The following ST6GALNAC3 variants were observed in gnomAD, a reference collection of about 807,000 sequenced individuals.
The protein encoded by ST6GALNAC3 is alpha-N-acetylgalactosaminide alpha-2,6-sialyltransferase 3.
A neutral mutation model predicts 32.7 loss-of-function variants in ST6GALNAC3; 25 were observed. The observed-to-expected ratio is 0.76, with a 90% CI of 0.56 to 1.07. The LOEUF (loss-of-function observed/expected upper bound fraction) is 1.07, where lower values mean the gene tolerates loss of function less well. Ranked by LOEUF, ST6GALNAC3 falls within the 50% of genes least tolerant of loss-of-function variation. ST6GALNAC3 has a pLI of 0.00. For synonymous variants in ST6GALNAC3, 129 were observed against 133.1 expected (o/e 0.97, Z 0.21); for missense variants, 355 against 382.4 (o/e 0.93, Z 0.60).
intron 3 of ST6GALNAC3, among the ~76,000 whole-genome samples, chr1:76,417,868 A>G (rs960955866): frequency 6.6e-6 from 1 of 152,160 alleles, no homozygotes; most frequent in Non-Finnish European, 1.5e-5. Flanking sequence ...AGCAAATAGA[A>G]TCAATATTTC....
chr1:76,232,141 G>T (rs1656394594), intron 1 of ST6GALNAC3, among the ~76,000 whole-genome samples: 1 of 152,196 alleles, frequency 6.6e-6, no homozygotes, highest in African/African-American at 2.4e-5. Flanking sequence ...TTTACAGAAA[G>T]CATGTTCAGA....
intron 2 of ST6GALNAC3, among the ~76,000 whole-genome samples, chr1:76,354,414 A>G (rs1649272152): frequency 6.6e-6 from 1 of 152,210 alleles, no homozygotes; most frequent in African/African-American, 2.4e-5. Flanking sequence ...TTCATTCACA[A>G]TGCACATGTT....
intron 3 of ST6GALNAC3, among the ~76,000 whole-genome samples, chr1:76,489,042 G>A (rs1013019826): frequency 1.3e-5 from 2 of 152,142 alleles, no homozygotes; most frequent in African/African-American, 4.8e-5. Flanking sequence ...TAAGATATGT[G>A]AAGACAGGAG....
At chr1:76,428,275 A>G (rs1221922846) in intron 3 of ST6GALNAC3, among the ~76,000 whole-genome samples, 1 of 152,064 alleles carries the variant, frequency 6.6e-6, no homozygotes, top group Admixed American at 6.6e-5. Context: ...TTTTAATCTA[A>G]TTCTCTGAAT....
chr1:76,378,244 C>T (rs4949710), intron 2 of ST6GALNAC3, among the ~76,000 whole-genome samples: 28,969 of 151,980 alleles, frequency 0.19, 3,411 homozygotes, highest in Admixed American at 0.3. Context: ...TAACATTGTC[C>T]CTAGTAGTAA....
intron 1 of ST6GALNAC3, among the ~76,000 whole-genome samples, chr1:76,311,953 A>T (rs1646773185): frequency 1.3e-5 from 2 of 152,262 alleles, no homozygotes; most frequent in South Asian, 4.2e-4. Flanking sequence ...TTGTTTCCTG[A>T]CTTTTTAATG....
chr1:76,597,352 G>A (rs1015021096), intron 3 of ST6GALNAC3, among the ~76,000 whole-genome samples: 1 of 151,960 alleles, frequency 6.6e-6, no homozygotes, highest in Non-Finnish European at 1.5e-5. Context: ...TCCTTCCCTT[G>A]TTAGTGGGAT....
chr1:76,202,792 A>C (rs574759344), intron 1 of ST6GALNAC3, among the ~76,000 whole-genome samples: 5 of 152,172 alleles, frequency 3.3e-5, no homozygotes, highest in Non-Finnish European at 4.4e-5. Flanking sequence ...TTGTATTTTC[A>C]ATGTACTGAT....
chr1:76,257,396 T>G (rs1657980640), intron 1 of ST6GALNAC3, among the ~76,000 whole-genome samples: 1 of 152,146 alleles, frequency 6.6e-6, no homozygotes, highest in African/African-American at 2.4e-5. Context: ...ACTTGTTAAA[T>G]GTACAGTCAC....
rs564997238 is a variant in ST6GALNAC3, at chr1:76,632,378, G to A, written c.*3572G>A. 7 of 152,254 alleles carry A rather than the reference G, an allele frequency of 4.6e-5. No homozygotes were observed. In the East Asian group the frequency reaches 1.4e-3, roughly 29 times the overall value. The allele number at this position is 152,254 out of a possible 1,614,324, so 9.4% of individuals were successfully genotyped here. A position where few individuals can be genotyped will look rare whatever the true frequency, so the allele number is the denominator to read the frequency against. On this transcript the variant is annotated 3_prime_UTR_variant, in exon 5 of 5. Coordinates refer to ENST00000328299, the MANE Select transcript of ST6GALNAC3 (RefSeq NM_152996.4). Reference sequence around the variant, plus strand: ...GTAAGTATAGCAATCTGTATTGTAGGTTCTGCCGATTGCAGGCTTAGCTAA... The same window carrying A: ...GTAAGTATAGCAATCTGTATTGTAGATTCTGCCGATTGCAGGCTTAGCTAA...
chr1:76,615,757 TA>T (rs1192488942), intron 3 of ST6GALNAC3, among the ~76,000 whole-genome samples: 2 of 152,216 alleles, frequency 1.3e-5, no homozygotes, highest in East Asian at 3.9e-4. Context: ...TTTTCTAGGA[TA>T]TATTGCTTTA....
At chr1:76,269,847 C>G (rs1471898672) in intron 1 of ST6GALNAC3, among the ~76,000 whole-genome samples, 2 of 152,224 alleles carry the variant, frequency 1.3e-5, no homozygotes, top group Non-Finnish European at 2.9e-5. Context: ...GCCCTGTCTT[C>G]TCTCCCAGAT....
At chr1:76,533,044 AT>A in intron 3 of ST6GALNAC3, among the ~76,000 whole-genome samples, 2 of 152,274 alleles carry the variant, frequency 1.3e-5, no homozygotes, top group Admixed American at 1.3e-4. Flanking sequence ...TCCACTGGGC[AT>A]AATAACTTGC....
intron 3 of ST6GALNAC3, among the ~76,000 whole-genome samples, chr1:76,455,364 G>A (rs1210452608): frequency 6.6e-6 from 1 of 152,052 alleles, no homozygotes; most frequent in Non-Finnish European, 1.5e-5. Context: ...AAAAAATAAA[G>A]ACAGATTTTG....
At chr1:76,140,928 T>C (rs1210894496) in intron 1 of ST6GALNAC3, among the ~76,000 whole-genome samples, 1 of 151,792 alleles carries the variant, frequency 6.6e-6, no homozygotes, top group African/African-American at 2.4e-5. Context: ...TGATCCACCG[T>C]GCCCAGGCTT....
chr1:76,267,042 C>T lies in ST6GALNAC3; in HGVS notation c.19-46763C>T, dbSNP rs996952602. 3.9e-5 allele frequency among the ~76,000 whole-genome samples: 6 copies of T among 152,366 alleles called. No individual in the cohort carries two copies. In the East Asian group the frequency reaches 9.6e-4, roughly 24 times the overall value. The stretch of plus-strand genomic sequence containing the variant: ...TGTGAAGTCCCTCTGCTCCAGCCAG[C>T]TTCCCAACCTTGGCCAAGTGCCCAC... On this transcript the variant is annotated intron_variant, in intron 1 of 4. Coordinates refer to ENST00000328299, the MANE Select transcript of ST6GALNAC3 (RefSeq NM_152996.4).
intron 3 of ST6GALNAC3, among the ~76,000 whole-genome samples, chr1:76,422,110 C>G (rs924570788): frequency 4.8e-4 from 73 of 151,874 alleles, no homozygotes; most frequent in African/African-American, 1.7e-3. Flanking sequence ...TATGAGTTCT[C>G]TAAGGCCAAG....
At chr1:76,188,103 C>T (rs1273827843) in intron 1 of ST6GALNAC3, among the ~76,000 whole-genome samples, 1 of 152,168 alleles carries the variant, frequency 6.6e-6, no homozygotes, top group African/African-American at 2.4e-5. Context: ...GTGGCTCACG[C>T]CTGTAAGCCC....
At chr1:76,554,979 C>A (rs1467150118) in intron 3 of ST6GALNAC3, among the ~76,000 whole-genome samples, 1 of 152,054 alleles carries the variant, frequency 6.6e-6, no homozygotes, top group African/African-American at 2.4e-5. Context: ...AACTAATTTG[C>A]CCAAGGTACT....
Sources: allele counts gnomAD v4.1 joint callset (sites outside exome capture counted in the v4.1 genomes callset), GRCh38; gene constraint gnomAD v4.1.1; transcripts MANE v1.5; gene names NCBI Gene and HGNC (gene_info 2026-07-23, HGNC 2026-07-21).